RARB: variants seen among roughly 807,000 people sequenced by gnomAD.
The protein encoded by RARB is HBV-activated protein.
RARB carries 17 observed loss-of-function variants against 51.9 expected under a neutral mutation model. That is an observed-to-expected ratio of 0.33 (90% CI 0.22 to 0.49). The LOEUF is 0.49. Ranked by LOEUF, RARB falls within the 20% of genes least tolerant of loss-of-function variation. The pLI, the probability that RARB is intolerant of heterozygous loss-of-function variation, is 0.99. For synonymous variants in RARB, 215 were observed against 195.4 expected (o/e 1.10, Z -0.84); for missense variants, 369 against 550.8 (o/e 0.67, Z 3.30).
intron 5 of RARB, among the ~76,000 whole-genome samples, chr3:25,245,583 A>C (rs1316874866): frequency 6.6e-6 from 1 of 152,190 alleles, no homozygotes; most frequent in Non-Finnish European, 1.5e-5. Flanking sequence ...GCTGGATATG[A>C]AATTCTGGAT....
chr3:25,277,698 T>G (rs57628781), intron 5 of RARB, among the ~76,000 whole-genome samples: 3 of 152,346 alleles, frequency 2.0e-5, no homozygotes, highest in East Asian at 3.9e-4. Flanking sequence ...GGTTTACTTT[T>G]TGCTTACTTA....
chr3:25,413,960 G>A lies in RARB; in HGVS notation c.179-47233G>A, dbSNP rs115127800. 2.3e-3 allele frequency among the ~76,000 whole-genome samples: 349 copies of A among 152,034 alleles called. 2 individuals are homozygous for A. Among genetic ancestry groups the A allele is most frequent in the African/African-American group, 8.0e-3 (331 of 41,458 alleles). On this transcript the variant is annotated intron_variant, in intron 5 of 11. Transcript: ENST00000383772. ...GTGTAAAATGTGTAAGTTTTGATGC[G>A]CACGTATACCTGTGAAACCATTACC...
At chr3:25,270,585 G>C (rs1353804145) in intron 5 of RARB, among the ~76,000 whole-genome samples, 1 of 152,152 alleles carries the variant, frequency 6.6e-6, no homozygotes, top group African/African-American at 2.4e-5. Context: ...ACCTAAAAAA[G>C]AAGGTTTATA....
At position 25,238,159 on chromosome 3, in the gene RARB, C is replaced by A. The variant is rs899181413; in HGVS notation, c.178+63584C>A. ...GTCTTCATCCTCCAGCGCCCCCCCA[C>A]ACATCCTTCCCAGTCTCTGGTATCT... On this transcript the variant is annotated intron_variant, in intron 5 of 11. Coordinates refer to the RARB transcript ENST00000383772. Among the ~76,000 whole-genome samples, 5 of 151,602 alleles carry A rather than the reference C, an allele frequency of 3.3e-5. 1 individual carries two copies. The highest frequency in any genetic ancestry group is 4.2e-4 in the South Asian group (2 of 4,802).
chr3:25,372,382 C>T (rs1311706714), intron 5 of RARB, among the ~76,000 whole-genome samples: 1 of 152,152 alleles, frequency 6.6e-6, no homozygotes, highest in African/African-American at 2.4e-5. Flanking sequence ...AAATCACTCC[C>T]ACATGAAAAC....
chr3:25,063,606 T>C (rs1698595786), intron 3 of RARB, among the ~76,000 whole-genome samples: 1 of 152,022 alleles, frequency 6.6e-6, no homozygotes, highest in South Asian at 2.1e-4. Context: ...AGGCAAAATC[T>C]ATGCCGGTGG....
intron 2 of RARB, among the ~76,000 whole-genome samples, chr3:25,464,566 G>A (rs1437183020): frequency 6.6e-6 from 1 of 152,062 alleles, no homozygotes; most frequent in Non-Finnish European, 1.5e-5. Context: ...ATTTAAGCTT[G>A]CTGGGAAAAT....
intron 2 of RARB, among the ~76,000 whole-genome samples, chr3:25,019,429 T>A (rs1697580775): frequency 6.6e-6 from 1 of 152,048 alleles, no homozygotes; most frequent in Admixed American, 6.5e-5. Flanking sequence ...CGGTTGGGAT[T>A]GGCATAAGAA....
intron 5 of RARB, among the ~76,000 whole-genome samples, chr3:25,243,128 G>A (rs560399844): frequency 3.0e-4 from 46 of 152,122 alleles, no homozygotes; most frequent in African/African-American, 1.1e-3. Flanking sequence ...TTGGTGTATA[G>A]GAGTGCTTGT....
At chr3:25,271,200 G>T (rs1300498913) in intron 5 of RARB, among the ~76,000 whole-genome samples, 8 of 152,118 alleles carry the variant, frequency 5.3e-5, no homozygotes, top group Admixed American at 5.2e-4. Context: ...ATTTTTATTA[G>T]TATAAATCAA....
At position 25,534,056 on chromosome 3, in the gene RARB, C is replaced by T. The variant is rs181404901; in HGVS notation, c.448+32733C>T. 3.9e-5 allele frequency among the ~76,000 whole-genome samples: 6 copies of T among 152,300 alleles called. No homozygotes were observed. The East Asian group carries it at 9.6e-4, about 24-fold the overall frequency. On this transcript the variant is annotated intron_variant, in intron 3 of 7. Transcript: ENST00000330688. ...TTACTATGTGCCAGTTGAAGAAATG[C>T]CTGACTTTATTTGGCTCAATGCAGC...
chr3:25,518,989 C>G (rs538697838), intron 3 of RARB, among the ~76,000 whole-genome samples: 2 of 152,162 alleles, frequency 1.3e-5, no homozygotes, highest in African/African-American at 2.4e-5. Context: ...ATATCTGTCA[C>G]CATAGGTTAG....
chr3:24,938,207 G>A (rs1054747857), intron 2 of RARB, among the ~76,000 whole-genome samples: 2 of 152,156 alleles, frequency 1.3e-5, no homozygotes, highest in Non-Finnish European at 2.9e-5. Flanking sequence ...TGAACCATAT[G>A]AAATTGACAC....
intron 3 of RARB, among the ~76,000 whole-genome samples, chr3:25,527,250 C>T (rs1368077041): frequency 6.6e-6 from 1 of 152,170 alleles, no homozygotes; most frequent in Non-Finnish European, 1.5e-5. Context: ...CAGCAAGTGG[C>T]TAGATGGCAA....
At chr3:25,217,368 C>T (rs1306544839) in intron 5 of RARB, among the ~76,000 whole-genome samples, 1 of 152,044 alleles carries the variant, frequency 6.6e-6, no homozygotes, top group Non-Finnish European at 1.5e-5. Context: ...TTCAATCTAT[C>T]ATAATTGTTA....
Position 25,546,005 on chromosome 3 carries a change from G to A in RARB, c.449-23753G>A, listed in dbSNP as rs1443593499. The stretch of plus-strand genomic sequence containing the variant: ...GAAGGTGACACATCACATCAGTAAA[G>A]ACTCAAAGGAGGTGAGGGAGACAGC... On this transcript the variant is annotated intron_variant, in intron 3 of 7. Transcript: ENST00000330688. 2.0e-5 allele frequency among the ~76,000 whole-genome samples: 3 copies of A among 152,176 alleles called. No individual in the cohort carries two copies. The East Asian group carries it at 5.8e-4, about 29-fold the overall frequency.
chr3:25,537,597 CCTGTGGAATGAGGGGA>C (rs1249757630), intron 3 of RARB, among the ~76,000 whole-genome samples: 4 of 152,040 alleles, frequency 2.6e-5, no homozygotes, highest in Non-Finnish European at 5.9e-5. Flanking sequence ...CATGAAAATG[CCTGTGGAATGAGGGGA>C]CTGTGGGTTT....
At chr3:25,494,215 A>C (rs866647267) in intron 2 of RARB, among the ~76,000 whole-genome samples, 12 of 101,100 alleles carry the variant, frequency 1.2e-4, no homozygotes, top group African/African-American at 5.2e-4. Context: ...GATCTTCCCC[A>C]GTTTAAACAT....
At chr3:24,925,585 G>A (rs1695302254) in intron 2 of RARB, among the ~76,000 whole-genome samples, 1 of 147,028 alleles carries the variant, frequency 6.8e-6, no homozygotes, top group South Asian at 2.2e-4. Flanking sequence ...GAGGGAGGCT[G>A]TAGTGAACCA....
Sources: allele counts gnomAD v4.1 joint callset (sites outside exome capture counted in the v4.1 genomes callset), GRCh38; gene constraint gnomAD v4.1.1; transcripts MANE v1.5; gene names NCBI Gene and HGNC (gene_info 2026-07-23, HGNC 2026-07-21).